GRIK2: variants seen among roughly 807,000 people sequenced by gnomAD.
The protein encoded by GRIK2 is glutamate receptor ionotropic, kainate 2.
GRIK2 carries 32 observed loss-of-function variants against 100.3 expected under a neutral mutation model. The ratio of observed to expected loss-of-function variants is 0.32; its 90% CI spans 0.24 to 0.43. The LOEUF (loss-of-function observed/expected upper bound fraction) is 0.43, where lower values mean the gene tolerates loss of function less well. Ranked by LOEUF, GRIK2 falls within the 20% of genes least tolerant of loss-of-function variation. GRIK2 has a pLI of 1.00. For synonymous variants in GRIK2, 417 were observed against 389.4 expected (o/e 1.07, Z -0.83); for missense variants, 843 against 1,114.9 (o/e 0.76, Z 3.47).
At chr6:101,781,571 A>G (rs1032706059) in intron 7 of GRIK2, among the ~76,000 whole-genome samples, 3 of 152,118 alleles carry the variant, frequency 2.0e-5, no homozygotes, top group Admixed American at 6.6e-5. Context: ...ACATACACAC[A>G]TACCCCTCTG....
At chr6:101,448,125 T>C (rs570554052) in intron 2 of GRIK2, among the ~76,000 whole-genome samples, 1 of 151,730 alleles carries the variant, frequency 6.6e-6, no homozygotes, top group Non-Finnish European at 1.5e-5. Flanking sequence ...TTAGAGTTAG[T>C]CTACCTAACA....
intron 2 of GRIK2, among the ~76,000 whole-genome samples, chr6:101,547,421 A>C (rs1277472139): frequency 6.6e-6 from 1 of 152,042 alleles, no homozygotes; most frequent in Non-Finnish European, 1.5e-5. Context: ...TGCACCCATT[A>C]ACTCGTCATT....
chr6:101,804,182 T>C (rs1780841771), intron 9 of GRIK2, among the ~76,000 whole-genome samples: 1 of 151,946 alleles, frequency 6.6e-6, no homozygotes, highest in Non-Finnish European at 1.5e-5. Context: ...CCTTTGAATA[T>C]GTTGAATTAT....
rs567728435 is a variant in GRIK2, at chr6:101,413,063, T to C, written c.115+13671T>C. 2.0e-5 allele frequency among the ~76,000 whole-genome samples: 3 copies of C among 152,144 alleles called. No individual in the cohort carries two copies. The South Asian group carries it at 6.2e-4, about 31-fold the overall frequency. ...CAGCATTTAAAATACAAAACTAGGA[T>C]AGAATTTTACCTATTTCAAGGTAGT... On this transcript the variant is annotated intron_variant, in intron 2 of 16. Transcript: ENST00000369134.
chr6:102,067,526 T>A (rs1772076447), intron 16 of GRIK2, among the ~76,000 whole-genome samples: 1 of 151,780 alleles, frequency 6.6e-6, no homozygotes, highest in South Asian at 2.1e-4. Context: ...TTTTGTTTCA[T>A]ATATATGACT....
At chr6:102,023,165 G>C (rs1769521343) in intron 14 of GRIK2, among the ~76,000 whole-genome samples, 1 of 151,470 alleles carries the variant, frequency 6.6e-6, no homozygotes, top group East Asian at 1.9e-4. Context: ...AAGGAATCTA[G>C]TGGGCTAATT....
chr6:101,464,497 C>CTTTTTTTTTTTTTTTTTTTTTTTTT (rs71028069), intron 2 of GRIK2, among the ~76,000 whole-genome samples: 1 of 62,012 alleles, frequency 1.6e-5, no homozygotes, highest in African/African-American at 6.2e-5. Context: ...CTTTTTCTTT[C>CTTTTTTTTTTTTTTTTTTTTTTTTT]TTTTTTTTTT....
chr6:101,719,285 T>C (rs950591396), intron 7 of GRIK2, among the ~76,000 whole-genome samples: 1 of 151,618 alleles, frequency 6.6e-6, no homozygotes, highest in African/African-American at 2.4e-5. Flanking sequence ...TGCAGGCCCA[T>C]TGGTTGCTGT....
At chr6:101,492,777 A>C (rs905525878) in intron 2 of GRIK2, among the ~76,000 whole-genome samples, 9 of 152,160 alleles carry the variant, frequency 5.9e-5, no homozygotes, top group South Asian at 2.1e-4. Flanking sequence ...TATGTGATGT[A>C]ATAAGTATCA....
At chr6:101,688,716 A>T (rs1215928114) in intron 7 of GRIK2, among the ~76,000 whole-genome samples, 1 of 151,972 alleles carries the variant, frequency 6.6e-6, no homozygotes, top group Non-Finnish European at 1.5e-5. Flanking sequence ...TAAACCATGG[A>T]TTCTGAGTTA....
At chr6:101,635,399 A>C (rs1430808299) in intron 4 of GRIK2, among the ~76,000 whole-genome samples, 1 of 152,272 alleles carries the variant, frequency 6.6e-6, no homozygotes, top group African/African-American at 2.4e-5. Context: ...AACCCTAAAA[A>C]CCCTAGAAGA....
At chr6:101,440,230 G>A (rs1273685140) in intron 2 of GRIK2, among the ~76,000 whole-genome samples, 1 of 152,078 alleles carries the variant, frequency 6.6e-6, no homozygotes, top group East Asian at 1.9e-4. Flanking sequence ...GAAATTGGAC[G>A]GAGAAAAAAT....
intron 12 of GRIK2, among the ~76,000 whole-genome samples, chr6:101,899,138 C>A: frequency 6.8e-6 from 1 of 147,432 alleles, no homozygotes. Context: ...TCGTGGCTGT[C>A]CTAAATAGTA....
intron 9 of GRIK2, among the ~76,000 whole-genome samples, chr6:101,817,381 A>C (rs1166750329): frequency 6.6e-6 from 1 of 152,212 alleles, no homozygotes. Flanking sequence ...TTTTAAAGAT[A>C]ATTTGATAGT....
chr6:101,605,516 T>C (rs1336640213), intron 2 of GRIK2, among the ~76,000 whole-genome samples: 1 of 151,984 alleles, frequency 6.6e-6, no homozygotes, highest in Non-Finnish European at 1.5e-5. Flanking sequence ...TTAACACAGG[T>C]ATTTAAAATA....
intron 7 of GRIK2, among the ~76,000 whole-genome samples, chr6:101,760,712 T>A (rs1270598005): frequency 1.1e-4 from 11 of 101,578 alleles, no homozygotes; most frequent in East Asian, 1.1e-3. Context: ...AATTATATAT[T>A]TAATTATATT....
chr6:101,545,659 T>A (rs1582684514), intron 2 of GRIK2, among the ~76,000 whole-genome samples: 1 of 152,262 alleles, frequency 6.6e-6, no homozygotes, highest in East Asian at 1.9e-4. Context: ...AGTGCAAACA[T>A]ATATACTATT....
intron 10 of GRIK2, among the ~76,000 whole-genome samples, chr6:101,846,234 A>G (rs1783805036): frequency 6.6e-6 from 1 of 152,106 alleles, no homozygotes; most frequent in Admixed American, 6.6e-5. Context: ...TCCATTGCCA[A>G]ATCCAAAATC....
chr6:101,549,543 TTATAA>T (rs1425242982), intron 2 of GRIK2, among the ~76,000 whole-genome samples: 2 of 152,102 alleles, frequency 1.3e-5, no homozygotes, highest in East Asian at 3.9e-4. Context: ...CCAGTATACA[TTATAA>T]TATATTTTTA....
Sources: gnomAD v4.1 joint callset for allele counts (sites outside exome capture counted in the v4.1 genomes callset) on GRCh38, gnomAD v4.1.1 for gene constraint, MANE v1.5 for transcripts, NCBI Gene and HGNC (gene_info 2026-07-23, HGNC 2026-07-21) for gene names.